Variants in NAV3 observed in about 807,000 individuals in gnomAD.
NAV3 encodes the protein pore membrane and/or filament interacting like protein 1.
A neutral mutation model predicts 244.7 loss-of-function variants in NAV3; 87 were observed. The ratio of observed to expected loss-of-function variants is 0.36; its 90% CI spans 0.30 to 0.42. The LOEUF (loss-of-function observed/expected upper bound fraction) is 0.42, where lower values mean the gene tolerates loss of function less well. NAV3 is among the 20% of genes least tolerant of loss of function. NAV3 has a pLI of 1.00. For synonymous variants in NAV3, 1,126 were observed against 1,042.2 expected, an observed-to-expected ratio of 1.08 and a Z score of -1.55; for missense variants, 2,663 against 2,893.3, an observed-to-expected ratio of 0.92 and a Z score of 1.83.
In NAV3 at chr12:78,027,383, T is replaced by G. The variant is rs564754537; in HGVS notation, c.2023+5521T>G. On this transcript the variant is annotated intron_variant, in intron 9 of 39. Coordinates refer to ENST00000397909, the MANE Select transcript of NAV3 (RefSeq NM_001024383.2). Reference sequence around the variant, plus strand: ...CTGCTTAAGCTCAGAAGTTCAAAGCTGCAGGAGTCATGATCATGCCACTGC... The same window carrying G: ...CTGCTTAAGCTCAGAAGTTCAAAGCGGCAGGAGTCATGATCATGCCACTGC... Among the ~76,000 whole-genome samples, 8 of 141,506 alleles carry G rather than the reference T, an allele frequency of 5.7e-5. No individual in the cohort carries two copies. In the South Asian group the frequency reaches 1.5e-3, roughly 27 times the overall value. The allele number at this position is 141,506 out of a possible 152,430, so 92.8% of individuals were successfully genotyped here.
intron 2 of NAV3, among the ~76,000 whole-genome samples, chr12:77,660,598 G>C (rs1452693944): frequency 6.6e-6 from 1 of 151,990 alleles, no homozygotes; most frequent in Non-Finnish European, 1.5e-5. Context: ...GAGGAAACAG[G>C]TATGATTGTA....
chr12:77,827,490 C>T (rs529531909), upstream of NAV3, among the ~76,000 whole-genome samples: 2 of 152,134 alleles, frequency 1.3e-5, no homozygotes, highest in East Asian at 3.9e-4. Context: ...CCTAAAACTC[C>T]AGCTTAGCTT....
At chr12:77,829,224 G>A (rs1191530758), upstream of NAV3, among the ~76,000 whole-genome samples, 1 of 152,226 alleles carries the variant, frequency 6.6e-6, no homozygotes, top group Non-Finnish European at 1.5e-5. Context: ...CTACTGGCTT[G>A]GAGTTTGCCT....
intron 12 of NAV3, among the ~76,000 whole-genome samples, chr12:78,079,425 A>G (rs1240804339): frequency 2.0e-5 from 3 of 152,212 alleles, no homozygotes; most frequent in African/African-American, 4.8e-5. Context: ...CATTATTTTC[A>G]TGACTGATAA....
rs140733040 is a variant in NAV3 at position 77,751,716 on chromosome 12, C to T, written c.72+179450C>T. Among the ~76,000 whole-genome samples the T allele has an allele frequency of 3.7e-3, 563 of 152,272 alleles. 6 individuals are homozygous for T. Among genetic ancestry groups the T allele is most frequent in the African/African-American group, 0.013 (544 of 41,560 alleles). The stretch of plus-strand genomic sequence containing the variant: ...TTAGCAGCATGAGAATGGACTAATA[C>T]ATACATTGTTCCTTTATAATCTAGA... On this transcript the variant is annotated intron_variant, in intron 2 of 8. Transcript: ENST00000550042.
chr12:78,069,838 T>C (rs1425713471), intron 12 of NAV3, among the ~76,000 whole-genome samples: 1 of 152,012 alleles, frequency 6.6e-6, no homozygotes, highest in Non-Finnish European at 1.5e-5. Context: ...ACATACACAT[T>C]TGGTATTTTT....
At chr12:78,170,914 A>G (rs1043763639) in intron 24 of NAV3, among the ~76,000 whole-genome samples, 1 of 151,702 alleles carries the variant, frequency 6.6e-6, no homozygotes, top group African/African-American at 2.4e-5. Flanking sequence ...ATTACATTAT[A>G]CTTTGGGGCT....
intron 2 of NAV3, among the ~76,000 whole-genome samples, chr12:77,743,017 C>A (rs945132162): frequency 2.6e-5 from 4 of 151,938 alleles, no homozygotes; most frequent in Admixed American, 1.3e-4. Flanking sequence ...AAAAGTTATA[C>A]AAGAAAAAGT....
At chr12:77,765,600 C>G (rs1189347080) in intron 2 of NAV3, among the ~76,000 whole-genome samples, 1 of 152,040 alleles carries the variant, frequency 6.6e-6, no homozygotes, top group African/African-American at 2.4e-5. Flanking sequence ...AGAACATGAA[C>G]AAAGACATGC....
At chr12:77,885,018 T>G (rs188624409) in intron 1 of NAV3, among the ~76,000 whole-genome samples, 189 of 152,266 alleles carry the variant, frequency 1.2e-3, no homozygotes, top group African/African-American at 4.2e-3. Context: ...GAATCTCATC[T>G]TTATTGTTGG....
At chr12:77,727,550 A>G in intron 2 of NAV3, among the ~76,000 whole-genome samples, 1 of 151,972 alleles carries the variant, frequency 6.6e-6, no homozygotes, top group East Asian at 1.9e-4. Context: ...AGGCAGACAG[A>G]TTTAAGGAAG....
intron 2 of NAV3, among the ~76,000 whole-genome samples, chr12:77,630,022 G>A (rs1871815514): frequency 6.6e-6 from 1 of 152,174 alleles, no homozygotes. Flanking sequence ...TTGTTACAGA[G>A]TAGTTTTTGA....
intron 3 of NAV3, among the ~76,000 whole-genome samples, chr12:77,941,598 G>T (rs920605467): frequency 6.6e-6 from 1 of 152,168 alleles, no homozygotes; most frequent in African/African-American, 2.4e-5. Context: ...TGTCAGTTTG[G>T]TGAGCAGTGA....
intron 2 of NAV3, among the ~76,000 whole-genome samples, chr12:77,629,087 T>A (rs1338267763): frequency 6.6e-6 from 1 of 152,088 alleles, no homozygotes; most frequent in African/African-American, 2.4e-5. Flanking sequence ...TCTAGAACAG[T>A]TTTTCAAATG....
intron 2 of NAV3, among the ~76,000 whole-genome samples, chr12:77,708,176 G>T (rs1057371182): frequency 6.6e-6 from 1 of 152,078 alleles, no homozygotes; most frequent in Non-Finnish European, 1.5e-5. Context: ...TTCTTCTAGG[G>T]TTTTTATGGT....
chr12:77,682,478 C>G (rs2137120083), intron 2 of NAV3, among the ~76,000 whole-genome samples: 1 of 152,230 alleles, frequency 6.6e-6, no homozygotes, highest in East Asian at 1.9e-4. Context: ...GGACAGATAT[C>G]TCTTCCACAT....
At chr12:77,767,258 T>C (rs1869824222) in intron 2 of NAV3, among the ~76,000 whole-genome samples, 1 of 152,224 alleles carries the variant, frequency 6.6e-6, no homozygotes, top group Non-Finnish European at 1.5e-5. Context: ...TCATATGAGA[T>C]AATATTTGTA....
chr12:78,208,675 A>T (rs1960584660), intron 39 of NAV3, among the ~76,000 whole-genome samples: 1 of 152,210 alleles, frequency 6.6e-6, no homozygotes, highest in Admixed American at 6.5e-5. Context: ...ATTTTAAAAA[A>T]TTAAGACTTT....
chr12:78,190,363 T>G (rs933848209), intron 34 of NAV3, 144 bp downstream of exon 34: 1 of 675,038 alleles, frequency 1.5e-6, no homozygotes, highest in African/African-American at 1.8e-5. Flanking sequence ...ACCTGGTGAG[T>G]GATCAAACTC....
Sources: allele counts gnomAD v4.1 joint callset (sites outside exome capture counted in the v4.1 genomes callset), GRCh38; gene constraint gnomAD v4.1.1; transcripts MANE v1.5; gene names NCBI Gene and HGNC (gene_info 2026-07-23, HGNC 2026-07-21).